CDH18: variants seen among roughly 807,000 people sequenced by gnomAD.
The protein encoded by CDH18 is cadherin-18.
Under a neutral mutation model 67.9 loss-of-function variants are expected in CDH18, and 31 were observed. That is an observed-to-expected ratio of 0.46 (90% CI 0.34 to 0.62). The LOEUF (loss-of-function observed/expected upper bound fraction) is 0.62, where lower values mean the gene tolerates loss of function less well. CDH18 is among the 20% of genes least tolerant of loss of function. The pLI is 0.01. For missense variants in CDH18, 890 were observed against 975.5 expected (o/e 0.91, Z 1.17); for synonymous variants, 362 against 347.2 (o/e 1.04, Z -0.48).
chr5:19,572,425 CT>C (rs927372365), intron 7 of CDH18, among the ~76,000 whole-genome samples: 1 of 152,070 alleles, frequency 6.6e-6, no homozygotes. Context: ...CTCAAAGTGT[CT>C]TTTTTTGGCA....
At chr5:20,471,413 C>T (rs1185106420) in intron 1 of CDH18, among the ~76,000 whole-genome samples, 1 of 152,086 alleles carries the variant, frequency 6.6e-6, no homozygotes, top group Admixed American at 6.6e-5. Context: ...TCATGGTAAT[C>T]TTTTTAATAT....
At chr5:20,191,663 T>A (rs1265291201) in intron 2 of CDH18, among the ~76,000 whole-genome samples, 1 of 152,096 alleles carries the variant, frequency 6.6e-6, no homozygotes, top group Non-Finnish European at 1.5e-5. Flanking sequence ...TCCTGCTTCA[T>A]CCATGTTCCT....
intron 5 of CDH18, among the ~76,000 whole-genome samples, chr5:19,681,671 C>T (rs561291554): frequency 6.6e-6 from 1 of 151,940 alleles, no homozygotes; most frequent in South Asian, 2.1e-4. Context: ...CCCTACAAAC[C>T]CAGTCTAGCT....
chr5:19,495,529 T>C (rs547306024), intron 11 of CDH18, among the ~76,000 whole-genome samples: 3 of 151,106 alleles, frequency 2.0e-5, no homozygotes, highest in African/African-American at 7.3e-5. Context: ...TCACCTGAGG[T>C]CGGGAGATTG....
intron 1 of CDH18, among the ~76,000 whole-genome samples, chr5:20,341,497 C>A (rs1740258842): frequency 6.6e-6 from 1 of 151,008 alleles, no homozygotes; most frequent in South Asian, 2.1e-4. Flanking sequence ...AATAAACTCT[C>A]CTTTGTATAT....
At chr5:20,228,085 C>A (rs1741778870) in intron 2 of CDH18, among the ~76,000 whole-genome samples, 1 of 152,062 alleles carries the variant, frequency 6.6e-6, no homozygotes. Context: ...AACCCAATCC[C>A]CTTAATGGAA....
rs1739760283 is a variant in CDH18 at position 19,483,203 on chromosome 5, T to C, written c.1882+98A>G. Reference sequence around the variant, plus strand: ...TAGGAAATTGGAGCAGCTGTTTCCTTACCCACATTATGGATGCCTAATCCT... The same window carrying C: ...TAGGAAATTGGAGCAGCTGTTTCCTCACCCACATTATGGATGCCTAATCCT... On this transcript the variant is annotated intron_variant, in intron 12 of 12. Coordinates refer to ENST00000382275, the MANE Select transcript of CDH18 (RefSeq NM_004934.5). 13 of 1,191,270 alleles carry C rather than the reference T, an allele frequency of 1.1e-5. No individual in the cohort carries two copies. In the South Asian group the frequency reaches 1.4e-4, roughly 13 times the overall value. The allele number at this position is 1,191,270 out of a possible 1,614,324, so 73.8% of individuals were successfully genotyped here. A position where few individuals can be genotyped will look rare whatever the true frequency, so the allele number is the denominator to read the frequency against.
At chr5:19,757,065 A>G (rs1206713370) in intron 3 of CDH18, among the ~76,000 whole-genome samples, 3 of 152,232 alleles carry the variant, frequency 2.0e-5, no homozygotes, top group Admixed American at 6.5e-5. Context: ...GGATGATGGG[A>G]AACATGGTAA....
chr5:19,509,462 A>T (rs17217078), intron 10 of CDH18, among the ~76,000 whole-genome samples: 42,975 of 152,086 alleles, frequency 0.28, 6,250 homozygotes, highest in South Asian at 0.4. Context: ...TAAAATACAT[A>T]GTGTCCTGTT....
chr5:19,918,207 T>A (rs900786103), intron 2 of CDH18, among the ~76,000 whole-genome samples: 3 of 152,314 alleles, frequency 2.0e-5, no homozygotes, highest in Admixed American at 6.5e-5. Context: ...CATCTCTGAC[T>A]TTAAATAGGA....
chr5:19,536,449 A>AT (rs1400305545), intron 9 of CDH18, among the ~76,000 whole-genome samples: 1 of 152,150 alleles, frequency 6.6e-6, no homozygotes, highest in Non-Finnish European at 1.5e-5. Flanking sequence ...CGTAATACAC[A>AT]TTTTTCAGAG....
At chr5:20,043,374 G>A (rs1740619664) in intron 2 of CDH18, among the ~76,000 whole-genome samples, 1 of 151,926 alleles carries the variant, frequency 6.6e-6, no homozygotes, top group Non-Finnish European at 1.5e-5. Flanking sequence ...TTCCCTTTAT[G>A]GAAATTACTA....
chr5:19,888,718 C>A (rs1275795126), intron 2 of CDH18, among the ~76,000 whole-genome samples: 1 of 152,032 alleles, frequency 6.6e-6, no homozygotes, highest in Non-Finnish European at 1.5e-5. Context: ...TTAAAAATTT[C>A]TTCTTCATTA....
At chr5:20,037,351 G>A (rs572469364) in intron 2 of CDH18, among the ~76,000 whole-genome samples, 159 of 152,058 alleles carry the variant, frequency 1.0e-3, no homozygotes, top group Non-Finnish European at 1.9e-3. Context: ...TCTGGACAAA[G>A]TGGACCTAAT....
intron 7 of CDH18, among the ~76,000 whole-genome samples, chr5:19,575,690 A>T (rs1580297249): frequency 6.6e-6 from 1 of 152,146 alleles, no homozygotes; most frequent in Non-Finnish European, 1.5e-5. Context: ...TTCGTTTCCT[A>T]GGGATGACAT....
At chr5:20,340,252 A>G (rs1472654950) in intron 1 of CDH18, among the ~76,000 whole-genome samples, 2 of 152,214 alleles carry the variant, frequency 1.3e-5, no homozygotes, top group African/African-American at 4.8e-5. Context: ...CAGTTAGACA[A>G]GTTGTCAGGA....
chr5:19,703,737 G>A (rs138870155), intron 5 of CDH18, among the ~76,000 whole-genome samples: 1,083 of 58,882 alleles, frequency 0.018, 14 homozygotes, highest in African/African-American at 0.066. Flanking sequence ...CCTGCCCCCC[G>A]CCGATCAACA....
At chr5:19,720,170 C>G (rs1765896949) in intron 5 of CDH18, among the ~76,000 whole-genome samples, 1 of 152,058 alleles carries the variant, frequency 6.6e-6, no homozygotes, top group Non-Finnish European at 1.5e-5. Context: ...CCTCACATAA[C>G]ACATTGGTAA....
At chr5:20,280,485 G>T (rs1243890775) in intron 1 of CDH18, among the ~76,000 whole-genome samples, 1 of 152,106 alleles carries the variant, frequency 6.6e-6, no homozygotes, top group African/African-American at 2.4e-5. Flanking sequence ...GCGATAGTTT[G>T]CTGAGAATGA....
Sources: gnomAD v4.1 joint callset for allele counts (sites outside exome capture counted in the v4.1 genomes callset) on GRCh38, gnomAD v4.1.1 for gene constraint, MANE v1.5 for transcripts, NCBI Gene and HGNC (gene_info 2026-07-23, HGNC 2026-07-21) for gene names.